The following SATL1 variants were observed in gnomAD, a reference collection of about 807,000 sequenced individuals.
SATL1 encodes spermidine/spermine N1-acetyl transferase like 1.
SATL1 carries 47 observed loss-of-function variants against 51.8 expected under a neutral mutation model. The observed-to-expected ratio is 0.91, with a 90% CI of 0.72 to 1.16. The LOEUF (loss-of-function observed/expected upper bound fraction) is 1.16, where lower values mean the gene tolerates loss of function less well. Among genes scored for constraint, SATL1 ranks in the 50% most tolerant of loss-of-function variants. The pLI, the probability that SATL1 is intolerant of heterozygous loss-of-function variation, is 0.00. For synonymous variants in SATL1, 176 were observed against 182.4 expected, an observed-to-expected ratio of 0.97 and a Z score of 0.28; for missense variants, 520 against 526.4, an observed-to-expected ratio of 0.99 and a Z score of 0.12.
In SATL1 at chrX:85,107,914, G is replaced by C; in HGVS notation, c.1055C>G (p.Pro352Arg). The change falls in exon 3 of 8, where the codon CCG becomes CGG. Residue 352 changes from proline (P) to arginine (R), a missense_variant. Pro to Arg is a moderately radical substitution (Grantham distance 103, BLOSUM62 -2). This residue lies in a region of SATL1 where 488 missense variants were observed against 474.3 expected (regional missense o/e 1.03). Transcript: ENST00000644105. The stretch of plus-strand genomic sequence containing the variant: ...GCCTGATTGGCTTGGGGCTCGTTGC[G>C]GTGGACCTGGTTGGCTTATGCTTGC... Reference protein sequence around the residue: ...SEASISQPGPPQRAPSQSGPR... With the variant: ...SEASISQPGPRQRAPSQSGPR... 2 of 1,209,411 alleles carry C rather than the reference G, an allele frequency of 1.7e-6. No homozygotes were observed. Among genetic ancestry groups the C allele is most frequent in the Admixed American group, 2.2e-5 (1 of 45,781 alleles).
At chrX:85,138,685 T>G (rs1206297697) in intron 2 of SATL1, among the ~76,000 whole-genome samples, 3 of 111,596 alleles carry the variant, frequency 2.7e-5, no homozygotes, top group Non-Finnish European at 3.8e-5. Context: ...TTGACTGAAG[T>G]GGGTTCAAGA....
chrX:85,200,333 T>A (rs2147750066), intron 2 of SATL1, among the ~76,000 whole-genome samples: 1 of 112,141 alleles, frequency 8.9e-6, no homozygotes. Context: ...AAAAATGACA[T>A]AAATAATTGA....
intron 2 of SATL1, among the ~76,000 whole-genome samples, chrX:85,214,426 C>G (rs890795957): frequency 1.8e-5 from 2 of 111,576 alleles, no homozygotes; most frequent in African/African-American, 6.5e-5. Flanking sequence ...CCATGACACA[C>G]TAGGCCTCAC....
chrX:85,196,832 A>G (rs1314946535), intron 2 of SATL1, among the ~76,000 whole-genome samples: 2 of 111,883 alleles, frequency 1.8e-5, no homozygotes, highest in Non-Finnish European at 3.8e-5. Flanking sequence ...CACACAACAT[A>G]TAAAATTAAC....
chrX:85,178,620 A>C, intron 2 of SATL1, among the ~76,000 whole-genome samples: 1 of 107,082 alleles, frequency 9.3e-6, no homozygotes, highest in Non-Finnish European at 1.9e-5. Context: ...TCAAAAAAAA[A>C]AAAACAAAAA....
chrX:85,204,877 C>G (rs75660615), intron 2 of SATL1, among the ~76,000 whole-genome samples: 1 of 112,302 alleles, frequency 8.9e-6, no homozygotes, highest in East Asian at 2.8e-4. Context: ...CCTTTTAGAA[C>G]ATTTTCTTCT....
At chrX:85,210,360 G>GATTAATAA (rs1569247841) in intron 2 of SATL1, 2 of 100,686 alleles carry the variant, frequency 2.0e-5, no homozygotes, top group Admixed American at 2.2e-4. Flanking sequence ...TCAAGGACTG[G>GATTAATAA]GTTTGGATTA....
intron 2 of SATL1, among the ~76,000 whole-genome samples, chrX:85,136,641 T>C (rs1433950575): frequency 1.8e-5 from 2 of 111,701 alleles, no homozygotes; most frequent in Non-Finnish European, 3.8e-5. Flanking sequence ...CCTTGGTGTA[T>C]ACAGTTTCAA....
intron 2 of SATL1, among the ~76,000 whole-genome samples, chrX:85,136,478 G>C (rs1488239309): frequency 8.9e-6 from 1 of 111,892 alleles, no homozygotes; most frequent in Non-Finnish European, 1.9e-5. Context: ...TAGAGGTATG[G>C]GGAAAGTCTG....
intron 2 of SATL1, among the ~76,000 whole-genome samples, chrX:85,183,359 T>C (rs1250808039): frequency 9.1e-6 from 1 of 110,207 alleles, no homozygotes; most frequent in Non-Finnish European, 1.9e-5. Context: ...CTCGGTGCCT[T>C]TGTCAAAAAT....
chrX:85,174,724 A>C (rs757019727), intron 2 of SATL1, among the ~76,000 whole-genome samples: 1 of 111,602 alleles, frequency 9.0e-6, no homozygotes, highest in African/African-American at 3.2e-5. Flanking sequence ...AATAGTGTAA[A>C]TTTTCTCTCA....
chrX:85,226,700 A>G, intron 1 of SATL1, among the ~76,000 whole-genome samples: 1 of 110,319 alleles, frequency 9.1e-6, no homozygotes, highest in Non-Finnish European at 1.9e-5. Context: ...TTGGGTTCTC[A>G]TTTCCTTGAT....
At chrX:85,155,722 G>C (rs67169795) in intron 2 of SATL1, among the ~76,000 whole-genome samples, 2 of 110,322 alleles carry the variant, frequency 1.8e-5, no homozygotes, top group African/African-American at 6.6e-5. Flanking sequence ...AAAAATAGGG[G>C]CCATGGTGCC....
At chrX:85,166,696 A>G (rs753509919) in intron 2 of SATL1, among the ~76,000 whole-genome samples, 104 of 110,649 alleles carry the variant, frequency 9.4e-4, no homozygotes, top group African/African-American at 3.3e-3. Flanking sequence ...AACTAGTACA[A>G]CCATTATGGA....
intron 2 of SATL1, among the ~76,000 whole-genome samples, chrX:85,139,087 C>T (rs1041502817): frequency 5.4e-5 from 6 of 111,252 alleles, no homozygotes; most frequent in Middle Eastern, 4.6e-3. Context: ...ATTTTCTAGC[C>T]GTTTGCTGAC....
At chrX:85,140,685 C>T (rs893066291) in intron 2 of SATL1, among the ~76,000 whole-genome samples, 1 of 112,115 alleles carries the variant, frequency 8.9e-6, no homozygotes, top group African/African-American at 3.2e-5. Flanking sequence ...CATTGTTAAC[C>T]TTCTTGGATT....
At chrX:85,238,183 A>T (rs1417623523) in intron 1 of SATL1, among the ~76,000 whole-genome samples, 1 of 111,602 alleles carries the variant, frequency 9.0e-6, no homozygotes, top group Non-Finnish European at 1.9e-5. Flanking sequence ...TAGAGCTACC[A>T]TATAATCTAG....
chrX:85,227,259 A>C (rs781005173), intron 1 of SATL1, among the ~76,000 whole-genome samples: 146 of 111,536 alleles, frequency 1.3e-3, no homozygotes, highest in African/African-American at 4.5e-3. Context: ...AAAATCTCTA[A>C]TATTTCCTAT....
At chrX:85,121,484 T>TA (rs1925507561) in intron 2 of SATL1, among the ~76,000 whole-genome samples, 1 of 104,541 alleles carries the variant, frequency 9.6e-6, no homozygotes, top group Non-Finnish European at 1.9e-5. Flanking sequence ...AGTATATCTA[T>TA]TTCTTGTTAG....
Sources: allele counts gnomAD v4.1 joint callset (sites outside exome capture counted in the v4.1 genomes callset), GRCh38; gene constraint gnomAD v4.1.1; regional missense constraint gnomAD v4.1.1; transcripts MANE v1.5; gene names NCBI Gene and HGNC (gene_info 2026-07-23, HGNC 2026-07-21).